The following TET3 variants were observed in gnomAD, a reference collection of about 807,000 sequenced individuals.
The protein encoded by TET3 is methylcytosine dioxygenase TET3.
TET3 carries 19 observed loss-of-function variants against 141.4 expected under a neutral mutation model. That is an observed-to-expected ratio of 0.13 (90% CI 0.09 to 0.20). TET3 has a LOEUF of 0.20. Among genes scored for constraint, TET3 ranks in the 10% least tolerant of loss-of-function variants. The pLI is 1.00. For synonymous variants in TET3, 1,043 were observed against 980.9 expected, an observed-to-expected ratio of 1.06 and a Z score of -1.18; for missense variants, 1,874 against 2,356.9, an observed-to-expected ratio of 0.80 and a Z score of 4.24.
intron 4 of TET3, among the ~76,000 whole-genome samples, chr2:74,049,366 G>A (rs193254782): frequency 2.3e-4 from 35 of 152,216 alleles, no homozygotes; most frequent in African/African-American, 8.4e-4. Context: ...GTGTGAGAAC[G>A]CGTTGAGGAG....
intron 8 of TET3, among the ~76,000 whole-genome samples, chr2:74,090,657 C>T (rs1018137032): frequency 6.6e-6 from 1 of 152,176 alleles, no homozygotes; most frequent in Non-Finnish European, 1.5e-5. Flanking sequence ...GCAGGGCCTC[C>T]CCCAGCCCCA....
intron 5 of TET3, among the ~76,000 whole-genome samples, chr2:74,076,788 A>G (rs895926976): frequency 6.6e-6 from 1 of 152,040 alleles, no homozygotes; most frequent in Non-Finnish European, 1.5e-5. Flanking sequence ...CTCTTCCTCA[A>G]CCCTTTCTCT....
the TET3 span, among the ~76,000 whole-genome samples, chr2:74,119,277 G>T: frequency 0.43 from 64,317 of 150,878 alleles, 15,135 homozygotes; most frequent in East Asian, 0.86. Flanking sequence ...TGCTTGAACC[G>T]GGGAGGCGGA....
At chr2:73,984,865 G>C (rs1238552263), upstream of TET3, among the ~76,000 whole-genome samples, 1 of 147,800 alleles carries the variant, frequency 6.8e-6, no homozygotes, top group Non-Finnish European at 1.5e-5. This position sits in a 1 kb window ranked among gnomAD's most constrained non-coding sequence, Gnocchi z 5.6. Context: ...CTCCCGGGCG[G>C]GGGAGTCCCC....
At chr2:74,067,645 T>C (rs1321903173) in intron 4 of TET3, among the ~76,000 whole-genome samples, 3 of 152,130 alleles carry the variant, frequency 2.0e-5, no homozygotes, top group Non-Finnish European at 4.4e-5. Flanking sequence ...CCTGAGAAAG[T>C]TCAATAGGGC....
At position 74,101,556 on chromosome 2, in the gene TET3, G is replaced by C; in HGVS notation, c.4768G>C (p.Glu1590Gln). Reference protein sequence around the residue: ...QSFGLPLGSSEKLFGALKSEE... With the variant: ...QSFGLPLGSSQKLFGALKSEE... The stretch of plus-strand genomic sequence containing the variant: ...CTTTGGTCTGCCCCTGGGATCCAGC[G>C]AGAAGCTGTTTGGGGCTCTGAAGTC... Residue 1590 changes from glutamate (E) to glutamine (Q), a missense_variant, in exon 12 of 12, where the codon GAG (glutamate) becomes CAG (glutamine). Around this residue, in one of 10 missense-constraint regions of TET3, gnomAD observed 602 missense variants for 590.2 expected, o/e 1.02. Transcript: ENST00000409262. The surrounding 1 kb of genome is among the most constrained non-coding windows in gnomAD (Gnocchi z 8.5). The C allele has an allele frequency of 6.2e-7, 1 of 1,609,250 alleles. No homozygotes were observed. Among genetic ancestry groups the C allele is most frequent in the African/African-American group, 1.3e-5 (1 of 74,950 alleles).
At position 74,030,983 on chromosome 2, in the gene TET3, C is replaced by CG. The variant is rs200532837; in HGVS notation, c.361-15288dup. On this transcript the variant is annotated intron_variant, in intron 3 of 11. Transcript: ENST00000409262. Reference sequence around the variant, plus strand: ...TGATTTTTTTTTGTAAAGGGATGTCCGGGGGGGAGTTGCTGAGGAAAAGGA... The same window carrying CG: ...TGATTTTTTTTTGTAAAGGGATGTCCGGGGGGGGAGTTGCTGAGGAAAAGGA... 5.1e-3 allele frequency among the ~76,000 whole-genome samples: 775 copies of CG among 151,884 alleles called. 3 individuals are homozygous for CG. Among genetic ancestry groups the CG allele is most frequent in the African/African-American group, 0.017 (710 of 41,406 alleles).
At chr2:74,040,147 T>G (rs1687266959) in intron 3 of TET3, among the ~76,000 whole-genome samples, 1 of 151,986 alleles carries the variant, frequency 6.6e-6, no homozygotes, top group Admixed American at 6.6e-5. Flanking sequence ...GGGTGGACAA[T>G]GAGGAAGAGT....
intron 7 of TET3, 106 bp downstream of exon 7, chr2:74,088,144 G>A: frequency 1.7e-6 from 2 of 1,167,484 alleles, no homozygotes; most frequent in Non-Finnish European, 2.4e-6. Context: ...GGCCCTCTCT[G>A]CGGCACTGTT....
chr2:73,988,036 G>A (rs1170127267), intron 2 of TET3, among the ~76,000 whole-genome samples: 1 of 152,216 alleles, frequency 6.6e-6, no homozygotes, highest in African/African-American at 2.4e-5. Context: ...TCCTGACCCA[G>A]GGACTGCAGA....
chr2:74,062,763 A>G (rs1205013989), intron 4 of TET3, among the ~76,000 whole-genome samples: 1 of 152,182 alleles, frequency 6.6e-6, no homozygotes, highest in Non-Finnish European at 1.5e-5. Context: ...GTAAAGATTG[A>G]ATTTAAGATT....
rs183340419 is a variant in TET3, at chr2:74,075,213, A to G, written c.2585+1574A>G. Among the ~76,000 whole-genome samples, 8 of 152,208 alleles carry G rather than the reference A, an allele frequency of 5.3e-5. No individual in the cohort carries two copies. In the East Asian group the frequency reaches 1.5e-3, roughly 29 times the overall value. ...TAAAAGCTAAGATGATGTAGACATA[A>G]GCATATGCTTGCCCATACATATACA... On this transcript the variant is annotated intron_variant, in intron 5 of 11. Transcript: ENST00000409262.
In TET3 at chr2:74,093,505, A is replaced by C. The variant is rs1690631638; in HGVS notation, c.3130-24A>C. 1 of 1,579,194 alleles carries C rather than the reference A, an allele frequency of 6.3e-7. No homozygotes were observed. The highest frequency in any genetic ancestry group is 1.3e-5 in the African/African-American group (1 of 74,138). On this transcript the variant is annotated intron_variant, in intron 9 of 11. Transcript: ENST00000409262. The surrounding 1 kb of genome is among the most constrained non-coding windows in gnomAD (Gnocchi z 4.2). ...GCCACTCACCTCAGGTCATGTGAGC[A>C]CCTCTCCTTGGCTGTCTACACAGGT...
chr2:74,018,928 A>G (rs991608887), intron 3 of TET3, among the ~76,000 whole-genome samples: 3 of 152,186 alleles, frequency 2.0e-5, no homozygotes, highest in Non-Finnish European at 4.4e-5. Context: ...CTTTCCGTTT[A>G]TTCTAGTCTT....
chr2:74,031,808 A>G (rs1224934368), intron 3 of TET3, among the ~76,000 whole-genome samples: 1 of 152,214 alleles, frequency 6.6e-6, no homozygotes, highest in East Asian at 1.9e-4. Flanking sequence ...AGTGGGGGCA[A>G]ACACACAGGG....
intron 3 of TET3, among the ~76,000 whole-genome samples, chr2:74,037,100 A>T (rs1249590461): frequency 6.6e-6 from 1 of 152,146 alleles, no homozygotes; most frequent in Admixed American, 6.5e-5. Flanking sequence ...AGAGGTGGCC[A>T]GTTTGGGTAT....
At chr2:74,097,122 A>C (rs886306496) in intron 10 of TET3, among the ~76,000 whole-genome samples, 4 of 142,046 alleles carry the variant, frequency 2.8e-5, no homozygotes, top group African/African-American at 1.0e-4. Context: ...GAAAAAAAAA[A>C]AAAGAAAAGC....
intron 3 of TET3, among the ~76,000 whole-genome samples, chr2:74,012,314 C>G (rs1166999738): frequency 6.6e-6 from 1 of 152,212 alleles, no homozygotes. Flanking sequence ...AGACTTTATT[C>G]TATGCATATT....
chr2:74,028,011 G>T (rs370268601), intron 3 of TET3, among the ~76,000 whole-genome samples: 2 of 151,654 alleles, frequency 1.3e-5, no homozygotes, highest in East Asian at 3.9e-4. Context: ...AAGAGGCAGG[G>T]TCTTACTCTG....
Sources: gnomAD v4.1 joint callset for allele counts (sites outside exome capture counted in the v4.1 genomes callset) on GRCh38, gnomAD v4.1.1 for gene constraint, gnomAD v4.1.1 regional missense constraint, Gnocchi (gnomAD v3.1) non-coding constraint, MANE v1.5 for transcripts, NCBI Gene and HGNC (gene_info 2026-07-23, HGNC 2026-07-21) for gene names.